The following NKAIN3 variants were observed in gnomAD, a reference collection of about 807,000 sequenced individuals.
NKAIN3 encodes sodium/potassium-transporting ATPase subunit beta-1-interacting protein 3.
In NKAIN3, 25 loss-of-function variants were observed where a neutral mutation model predicts 30.2. The observed-to-expected ratio is 0.83, with a 90% CI of 0.60 to 1.16. NKAIN3 has a LOEUF of 1.16. Ranked by LOEUF, NKAIN3 falls within the 50% of genes most tolerant of loss-of-function variation. The pLI is 0.00. For missense variants in NKAIN3, 225 were observed against 254.1 expected (o/e 0.89, Z 0.78); for synonymous variants, 91 against 89.6 (o/e 1.02, Z -0.09).
intron 4 of NKAIN3, among the ~76,000 whole-genome samples, chr8:62,829,016 C>T (rs1170297715): frequency 6.6e-6 from 1 of 152,082 alleles, no homozygotes; most frequent in Non-Finnish European, 1.5e-5. Flanking sequence ...AAATAAATCA[C>T]TGGGGTTGTT....
chr8:62,741,027 A>G (rs1422746684), intron 3 of NKAIN3, among the ~76,000 whole-genome samples: 2 of 73,756 alleles, frequency 2.7e-5, no homozygotes, highest in Non-Finnish European at 6.7e-5. Context: ...AAACTTTATG[A>G]AAAAAAAAAA....
intron 1 of NKAIN3, among the ~76,000 whole-genome samples, chr8:62,319,638 G>A (rs191996102): frequency 2.6e-4 from 39 of 152,134 alleles, no homozygotes; most frequent in East Asian, 5.8e-4. Context: ...GTAGTTGAGC[G>A]GTTTTGAGTG....
intron 1 of NKAIN3, among the ~76,000 whole-genome samples, chr8:62,521,240 C>A (rs1808146803): frequency 6.6e-6 from 1 of 151,970 alleles, no homozygotes; most frequent in Non-Finnish European, 1.5e-5. Flanking sequence ...CGCTCTGATT[C>A]TAGGAAAACC....
At position 62,707,450 on chromosome 8, in the gene NKAIN3, G is replaced by C. The variant is rs956763102; in HGVS notation, c.274-39482G>C. Among the ~76,000 whole-genome samples, 7 of 152,132 alleles carry C rather than the reference G, an allele frequency of 4.6e-5. No individual in the cohort carries two copies. In the East Asian group the frequency reaches 1.4e-3, roughly 29 times the overall value. ...CAGGAGTAAGGTAGTATCATATTGT[G>C]GTTTTGATTTGCATTTCCTGATCAT... On this transcript the variant is annotated intron_variant, in intron 3 of 6. Coordinates refer to ENST00000623646, the MANE Select transcript of NKAIN3 (RefSeq NM_001304533.3).
At chr8:62,342,935 G>T (rs1170008240) in intron 1 of NKAIN3, among the ~76,000 whole-genome samples, 1 of 152,022 alleles carries the variant, frequency 6.6e-6, no homozygotes, top group Non-Finnish European at 1.5e-5. Flanking sequence ...ACATTTGGGG[G>T]AGGAACTGGG....
At chr8:62,291,224 T>A (rs1453415589) in intron 1 of NKAIN3, among the ~76,000 whole-genome samples, 1 of 152,188 alleles carries the variant, frequency 6.6e-6, no homozygotes, top group East Asian at 1.9e-4. Context: ...AGGGTTTTTG[T>A]GTCTCTATCT....
Position 62,870,681 on chromosome 8 carries a change from C to T in NKAIN3, c.472-47772C>T, listed in dbSNP as rs566503397. On this transcript the variant is annotated intron_variant, in intron 4 of 6. Transcript: ENST00000623646. ...TAGATATATATAGATATCTATATAT[C>T]TATATCTCTCTATCTATATATCTAT... Among the ~76,000 whole-genome samples, 4 of 113,334 alleles carry T rather than the reference C, an allele frequency of 3.5e-5. No individual in the cohort carries two copies. In the East Asian group the frequency reaches 8.9e-4, roughly 25 times the overall value. The allele number at this position is 113,334 out of a possible 152,430, so 74.4% of individuals were successfully genotyped here. A position where few individuals can be genotyped will look rare whatever the true frequency, so the allele number is the denominator to read the frequency against.
In NKAIN3 at chr8:62,284,368, G is replaced by A. The variant is rs374138589; in HGVS notation, c.54+35241G>A. On this transcript the variant is annotated intron_variant, in intron 1 of 6. Coordinates refer to ENST00000623646, the MANE Select transcript of NKAIN3 (RefSeq NM_001304533.3). ...ACTGTACCCAGGCGCGGTGGCTTAC[G>A]TCTGTAATCCCAGTACTTTGGGAGG... Among the ~76,000 whole-genome samples, 9 of 152,182 alleles carry A rather than the reference G, an allele frequency of 5.9e-5. No homozygotes were observed. In the South Asian group the frequency reaches 1.0e-3, roughly 18 times the overall value.
chr8:62,687,148 T>G (rs947026732), intron 3 of NKAIN3, among the ~76,000 whole-genome samples: 4 of 152,230 alleles, frequency 2.6e-5, no homozygotes, highest in African/African-American at 9.6e-5. Context: ...AAGTGCAAAC[T>G]CCATCACATG....
rs956535734 is a variant in NKAIN3, at chr8:62,873,052, G to C, written c.472-45401G>C. On this transcript the variant is annotated intron_variant, in intron 4 of 6. Coordinates refer to ENST00000623646, the MANE Select transcript of NKAIN3 (RefSeq NM_001304533.3). ...TGTAAAAGACACAGACTGGCAAATT[G>C]GATAAGGAGTTAAGACAAATCAGTG... Among the ~76,000 whole-genome samples the C allele has an allele frequency of 3.3e-5, 5 of 152,192 alleles. No individual in the cohort carries two copies. The East Asian group carries it at 7.7e-4, about 24-fold the overall frequency.
At chr8:62,567,184 A>G (rs1292812704) in intron 1 of NKAIN3, among the ~76,000 whole-genome samples, 1 of 152,068 alleles carries the variant, frequency 6.6e-6, no homozygotes, top group Non-Finnish European at 1.5e-5. Flanking sequence ...CTGGTCACCT[A>G]AGTAATAGGG....
chr8:62,751,617 G>A lies in NKAIN3; in HGVS notation c.471+4488G>A, dbSNP rs143737818. ...CCTTATCAGTACTCAATGTATCATT[G>A]TTTATTTAATACTCTTCTATTAAAT... is the stretch of plus-strand genomic sequence containing the variant. On this transcript the variant is annotated intron_variant, in intron 4 of 6. Transcript: ENST00000623646. Among the ~76,000 whole-genome samples the A allele has an allele frequency of 8.4e-4, 128 of 151,956 alleles. 1 individual carries two copies. Among genetic ancestry groups the A allele is most frequent in the Non-Finnish European group, 1.8e-3 (122 of 67,952 alleles).
chr8:62,531,703 A>C (rs1808496151), intron 1 of NKAIN3, among the ~76,000 whole-genome samples: 1 of 152,216 alleles, frequency 6.6e-6, no homozygotes, highest in Non-Finnish European at 1.5e-5. Flanking sequence ...GAAATGAATC[A>C]ACCCATAGTG....
At chr8:62,819,072 T>C (rs1294544246) in intron 4 of NKAIN3, among the ~76,000 whole-genome samples, 2 of 150,742 alleles carry the variant, frequency 1.3e-5, no homozygotes, top group Non-Finnish European at 1.5e-5. Context: ...TACTGAGTAA[T>C]AGTAATGGCA....
intron 4 of NKAIN3, among the ~76,000 whole-genome samples, chr8:62,915,797 G>C (rs916769908): frequency 6.6e-6 from 1 of 151,920 alleles, no homozygotes; most frequent in African/African-American, 2.4e-5. Flanking sequence ...CCAACATAAA[G>C]AAACAAAAAT....
At chr8:62,704,358 C>G (rs1299745495) in intron 3 of NKAIN3, among the ~76,000 whole-genome samples, 2 of 151,940 alleles carry the variant, frequency 1.3e-5, no homozygotes, top group African/African-American at 4.8e-5. Context: ...AATATTTTAT[C>G]TTGGCTTTCT....
At chr8:62,482,057 G>A (rs1585856728) in intron 1 of NKAIN3, 2 of 152,130 alleles carry the variant, frequency 1.3e-5, no homozygotes, top group East Asian at 1.9e-4. Context: ...AGGCCTTGTC[G>A]AGATTCTCCC....
chr8:62,536,434 T>G (rs1440619577), intron 1 of NKAIN3, among the ~76,000 whole-genome samples: 1 of 152,156 alleles, frequency 6.6e-6, no homozygotes, highest in East Asian at 1.9e-4. Context: ...TTAACATATG[T>G]CCTTTCAAGA....
chr8:62,415,334 T>C (rs1454311807), intron 1 of NKAIN3, among the ~76,000 whole-genome samples: 2 of 147,394 alleles, frequency 1.4e-5, no homozygotes, highest in Non-Finnish European at 3.0e-5. Context: ...AAGCTTGAGA[T>C]GATAAATAGA....
Sources: gnomAD v4.1 joint callset for allele counts (sites outside exome capture counted in the v4.1 genomes callset) on GRCh38, gnomAD v4.1.1 for gene constraint, MANE v1.5 for transcripts, NCBI Gene and HGNC (gene_info 2026-07-23, HGNC 2026-07-21) for gene names.